The following DOCK1 variants were observed in gnomAD, a reference collection of about 807,000 sequenced individuals.
DOCK1 encodes the protein dedicator of cytokinesis protein 1.
A neutral mutation model predicts 262.7 loss-of-function variants in DOCK1; 138 were observed. That is an observed-to-expected ratio of 0.53 (90% CI 0.46 to 0.61). DOCK1 has a LOEUF of 0.61. DOCK1 is among the 20% of genes least tolerant of loss of function. DOCK1 has a pLI of 0.00. For synonymous variants in DOCK1, 866 were observed against 867.4 expected, an observed-to-expected ratio of 1.00 and a Z score of 0.03; for missense variants, 1,908 against 2,370.7, an observed-to-expected ratio of 0.80 and a Z score of 4.05.
rs558950027 is a variant in DOCK1 at position 126,996,890 on chromosome 10, T to A, written c.609+7T>A. On this transcript the variant is annotated splice_region_variant and intron_variant, in intron 7 of 51. Transcript: ENST00000623213. ...AAGGTTACAAGAGGAAAAAGTAAGT[T>A]TGACTCTGTCATATGCCATTCACGT... is the stretch of plus-strand genomic sequence containing the variant. 1 of 1,593,898 alleles carries A rather than the reference T, an allele frequency of 6.3e-7. No individual in the cohort carries two copies. Among genetic ancestry groups the A allele is most frequent in the South Asian group, 1.1e-5 (1 of 87,042 alleles).
At chr10:127,178,549 G>C (rs1226265753) in intron 27 of DOCK1, among the ~76,000 whole-genome samples, 1 of 152,190 alleles carries the variant, frequency 6.6e-6, no homozygotes, top group East Asian at 1.9e-4. Context: ...CACTGCATTA[G>C]CCCTTGCACC....
chr10:127,146,684 C>T (rs2051889884), intron 27 of DOCK1, among the ~76,000 whole-genome samples: 1 of 152,184 alleles, frequency 6.6e-6, no homozygotes, highest in East Asian at 1.9e-4. Context: ...TTTCCCCCAC[C>T]TCAGTTCATG....
chr10:127,362,871 ACACATACACATCCC>A, intron 33 of DOCK1, among the ~76,000 whole-genome samples: 1 of 139,170 alleles, frequency 7.2e-6, no homozygotes, highest in Non-Finnish European at 1.5e-5. Context: ...CCCCACACAC[ACACATACACATCCC>A]CACACACACA....
chr10:127,118,739 C>CAGTCAGAACG (rs2049343636), intron 25 of DOCK1, among the ~76,000 whole-genome samples: 1 of 152,190 alleles, frequency 6.6e-6, no homozygotes, highest in East Asian at 1.9e-4. Context: ...CCCAGTGGCC[C>CAGTCAGAACG]TGTTCCAGTC....
At position 127,412,698 on chromosome 10, in the gene DOCK1, C is replaced by A. The variant is rs185597686; in HGVS notation, c.4428+1774C>A. On this transcript the variant is annotated intron_variant, in intron 43 of 51. Transcript: ENST00000623213. ...GAGTGGTGGCTACCCAGTCTCCCTC[C>A]CAATCCCTCAGGGGTCTGCCAGTCA... 9.2e-5 allele frequency among the ~76,000 whole-genome samples: 14 copies of A among 152,350 alleles called. No homozygotes were observed. In the East Asian group the frequency reaches 2.5e-3, roughly 27 times the overall value.
intron 23 of DOCK1, among the ~76,000 whole-genome samples, chr10:127,070,551 C>G (rs779171986): frequency 3.3e-5 from 5 of 151,978 alleles, no homozygotes; most frequent in Non-Finnish European, 5.9e-5. Context: ...TGCACCTGGC[C>G]TGAACGTAAC....
At chr10:127,000,939 T>A (rs892782588) in intron 10 of DOCK1, 2 of 153,864 alleles carry the variant, frequency 1.3e-5, no homozygotes, top group African/African-American at 4.8e-5. Flanking sequence ...TCCACCCTGC[T>A]GTTGCTCTGT....
chr10:127,383,685 G>A (rs1926433), intron 37 of DOCK1, among the ~76,000 whole-genome samples: 113,497 of 152,086 alleles, frequency 0.75, 42,476 homozygotes, highest in African/African-American at 0.81. Flanking sequence ...AGCAGCTGAC[G>A]GAGCCTTGCC....
intron 27 of DOCK1, among the ~76,000 whole-genome samples, chr10:127,200,481 T>C (rs1472019726): frequency 6.6e-6 from 1 of 152,184 alleles, no homozygotes; most frequent in Non-Finnish European, 1.5e-5. Context: ...TAGAGTGGCG[T>C]GATGTCAGTT....
At chr10:126,981,423 C>T (rs901040851) in intron 3 of DOCK1, among the ~76,000 whole-genome samples, 10 of 152,094 alleles carry the variant, frequency 6.6e-5, no homozygotes, top group Admixed American at 1.3e-4. Flanking sequence ...GCAGATTGGG[C>T]GAAATTCGGC....
intron 29 of DOCK1, among the ~76,000 whole-genome samples, chr10:127,294,502 A>G (rs1033541119): frequency 1.3e-5 from 2 of 151,704 alleles, no homozygotes; most frequent in African/African-American, 4.8e-5. Flanking sequence ...TTGTACTTTT[A>G]GTAGAGATGG....
At chr10:127,214,869 A>G (rs2058136417) in intron 27 of DOCK1, among the ~76,000 whole-genome samples, 1 of 152,226 alleles carries the variant, frequency 6.6e-6, no homozygotes, top group African/African-American at 2.4e-5. Flanking sequence ...GTCCTAACCC[A>G]GAATCATATT....
intron 29 of DOCK1, among the ~76,000 whole-genome samples, chr10:127,264,232 A>G (rs2060276873): frequency 6.6e-6 from 1 of 152,304 alleles, no homozygotes; most frequent in East Asian, 1.9e-4. Context: ...CTCCCTGCCT[A>G]CTGTACCCTC....
rs993771885 is a variant in DOCK1, at chr10:126,995,999, G to T, written c.474-749G>T. Among the ~76,000 whole-genome samples the T allele has an allele frequency of 6.6e-6, 1 of 152,222 alleles. No homozygotes were observed. Among genetic ancestry groups the T allele is most frequent in the African/African-American group, 2.4e-5 (1 of 41,534 alleles). On this transcript the variant is annotated intron_variant, in intron 6 of 51. Transcript: ENST00000623213. This position sits in a 1 kb window ranked among gnomAD's most constrained non-coding sequence, Gnocchi z 5.8. The stretch of plus-strand genomic sequence containing the variant: ...CTCTCTCCTTCCTCAACTCTCTGAT[G>T]ATGTCACAACTGCCAGCTATGTGTT...
chr10:126,992,974 C>T (rs1180804138), intron 6 of DOCK1, among the ~76,000 whole-genome samples: 1 of 152,190 alleles, frequency 6.6e-6, no homozygotes, highest in East Asian at 1.9e-4. Context: ...GAGAACAATG[C>T]GTAGAAGGGT....
intron 27 of DOCK1, among the ~76,000 whole-genome samples, chr10:127,143,198 C>T (rs895813452): frequency 6.6e-6 from 1 of 152,178 alleles, no homozygotes; most frequent in Non-Finnish European, 1.5e-5. Context: ...CTTCTGCAGT[C>T]GTCCATGTGT....
chr10:127,380,026 G>A (rs2065740337), intron 35 of DOCK1, 56 bp from the exon 36 acceptor site: 1 of 1,212,456 alleles, frequency 8.2e-7, no homozygotes, highest in Non-Finnish European at 1.2e-6. Context: ...TATTGTGCAT[G>A]TGATACCTTT....
At chr10:127,234,232 G>C (rs900439793) in intron 27 of DOCK1, among the ~76,000 whole-genome samples, 1 of 152,096 alleles carries the variant, frequency 6.6e-6, no homozygotes, top group Non-Finnish European at 1.5e-5. Flanking sequence ...GATTAGAAAA[G>C]ACAACACAAA....
At chr10:127,401,784 ACAGCC>A (rs2067239334) in intron 38 of DOCK1, among the ~76,000 whole-genome samples, 1 of 152,190 alleles carries the variant, frequency 6.6e-6, no homozygotes, top group East Asian at 1.9e-4. Flanking sequence ...GGGTGTCAGG[ACAGCC>A]CTCTCCTGCC....
Sources: allele counts gnomAD v4.1 joint callset (sites outside exome capture counted in the v4.1 genomes callset), GRCh38; gene constraint gnomAD v4.1.1; non-coding constraint Gnocchi (gnomAD v3.1); transcripts MANE v1.5; gene names NCBI Gene and HGNC (gene_info 2026-07-23, HGNC 2026-07-21).